The following USF1 variants were observed in gnomAD, a reference collection of about 807,000 sequenced individuals.
USF1 encodes the protein upstream transcription factor 1.
Under a neutral mutation model 46.3 loss-of-function variants are expected in USF1, and 22 were observed. The observed-to-expected ratio is 0.47, with a 90% confidence interval of 0.34 to 0.68. The LOEUF (loss-of-function observed/expected upper bound fraction) is 0.68, where lower values mean the gene tolerates loss of function less well. USF1 is among the 30% of genes least tolerant of loss of function. USF1 has a pLI of 0.01. For missense variants in USF1, 287 were observed against 399.3 expected, an observed-to-expected ratio of 0.72 and a Z score of 2.40; for synonymous variants, 150 against 147.0, an observed-to-expected ratio of 1.02 and a Z score of -0.15.
At chr1:161,043,921 G>A (rs6427573) in intron 1 of USF1, among the ~76,000 whole-genome samples, 41,067 of 146,158 alleles carry the variant, frequency 0.28, 8,133 homozygotes, top group African/African-American at 0.55. Context: ...CACTGCACCT[G>A]GCCGAAACAA....
At chr1:161,045,070 A>C (rs572193438) in intron 1 of USF1, 1 of 152,336 alleles carries the variant, frequency 6.6e-6, no homozygotes, top group East Asian at 1.9e-4. Flanking sequence ...TTTTGGGACC[A>C]CCTACATTTC....
At chr1:161,042,812 G>C in intron 3 of USF1, 21 bp downstream of exon 3, 1 of 1,614,142 alleles carries the variant, frequency 6.2e-7, no homozygotes, top group Non-Finnish European at 8.5e-7. Flanking sequence ...TCTTAGTCTT[G>C]GTTCTGTTTC....
chr1:161,039,444 T>C lies in USF1; in HGVS notation c.*476A>G, dbSNP rs760234751. On this transcript the variant is annotated 3_prime_UTR_variant, in exon 11 of 11. Coordinates refer to ENST00000368021, the MANE Select transcript of USF1 (RefSeq NM_007122.5). ...CCTCTTCATGGGCACCAGCCACTGC[T>C]AAACATCCTTCCCTCACTTCTTGTG... The C allele has an allele frequency of 4.8e-4, 80 of 167,278 alleles. No individual in the cohort carries two copies. Among genetic ancestry groups the C allele is most frequent in the Non-Finnish European group, 9.4e-4 (73 of 77,712 alleles). 10.4% of individuals were successfully genotyped at this position (167,278 alleles called of 1,614,324 possible).
chr1:161,040,081 G>A lies in USF1; in HGVS notation c.844-72C>T, dbSNP rs758108427. On this transcript the variant is annotated intron_variant, in intron 10 of 10. Transcript: ENST00000368021. This position sits in a 1 kb window ranked among gnomAD's most constrained non-coding sequence, Gnocchi z 4.0. The stretch of plus-strand genomic sequence containing the variant: ...ACTTCCAAGCCCCTGAATGTATTCA[G>A]ACATCCACTGGTGAGGGGGAAAAGA... The A allele has an allele frequency of 1.2e-5, 20 of 1,611,442 alleles. No individual in the cohort carries two copies.
At chr1:161,041,072 GC>G (rs1650535169) in intron 7 of USF1, among the ~76,000 whole-genome samples, 200 bp from the exon 8 acceptor site, 1 of 151,890 alleles carries the variant, frequency 6.6e-6, no homozygotes, top group South Asian at 2.1e-4. Context: ...GACCAGCCTG[GC>G]CAACATGGTG....
intron 1 of USF1, among the ~76,000 whole-genome samples, chr1:161,045,617 C>G (rs17175442): frequency 6.6e-6 from 1 of 152,190 alleles, no homozygotes; most frequent in Non-Finnish European, 1.5e-5. Flanking sequence ...CGCCCGGTGC[C>G]GGCGGCTGCG....
In USF1 at chr1:161,040,081, G is replaced by T; in HGVS notation, c.844-72C>A. ...ACTTCCAAGCCCCTGAATGTATTCAGACATCCACTGGTGAGGGGGAAAAGA... is the reference window on the plus strand; with the variant it reads ...ACTTCCAAGCCCCTGAATGTATTCATACATCCACTGGTGAGGGGGAAAAGA... On this transcript the variant is annotated intron_variant, in intron 10 of 10. Coordinates refer to ENST00000368021, the MANE Select transcript of USF1 (RefSeq NM_007122.5). This position sits in a 1 kb window ranked among gnomAD's most constrained non-coding sequence, Gnocchi z 4.0. The T allele has an allele frequency of 6.2e-7, 1 of 1,611,560 alleles. No homozygotes were observed. The highest frequency in any genetic ancestry group is 8.5e-7 in the Non-Finnish European group (1 of 1,177,996).
chr1:161,043,620 C>CTT (rs34611572), intron 1 of USF1, among the ~76,000 whole-genome samples: 36 of 119,602 alleles, frequency 3.0e-4, no homozygotes, highest in African/African-American at 6.7e-4. Context: ...AGAAACAACA[C>CTT]TTTTTTTTTT....
chr1:161,040,242 A>C lies in USF1; in HGVS notation c.803T>G (p.Leu268Arg). The change falls in exon 10 of 11, where the codon CTT becomes CGT. Residue 268 changes from leucine (L) to arginine (R), a missense_variant. Transcript: ENST00000368021. This position sits in a 1 kb window ranked among gnomAD's most constrained non-coding sequence, Gnocchi z 4.0. ...GTCATTGTCCAGCTGCAGTTGGTCA[A>C]GTCCCTGCAGTTCTTCAGACAAGCG... Reference protein sequence around the residue: ...NHRLSEELQGLDQLQLDNDVL... With the variant: ...NHRLSEELQGRDQLQLDNDVL... 1 of 1,614,198 alleles carries C rather than the reference A, an allele frequency of 6.2e-7. No individual in the cohort carries two copies. Among genetic ancestry groups the C allele is most frequent in the Non-Finnish European group, 8.5e-7 (1 of 1,180,030 alleles).
At chr1:161,041,519 G>A in intron 6 of USF1, 108 bp from the exon 7 acceptor site, 1 of 1,473,362 alleles carries the variant, frequency 6.8e-7, no homozygotes, top group African/African-American at 1.4e-5. Context: ...TAATAGAAGA[G>A]CAGCCCCAGA....
chr1:161,045,469 C>T (rs1013096850), intron 1 of USF1, among the ~76,000 whole-genome samples: 2 of 152,252 alleles, frequency 1.3e-5, no homozygotes, highest in African/African-American at 2.4e-5. Context: ...AACCAGAAGG[C>T]GCTTACGGAG....
chr1:161,041,789 C>A lies in USF1; in HGVS notation c.334G>T (p.Ala112Ser). 1 of 1,614,082 alleles carries A rather than the reference C, an allele frequency of 6.2e-7. No individual in the cohort carries two copies. Among genetic ancestry groups the A allele is most frequent in the Non-Finnish European group, 8.5e-7 (1 of 1,179,990 alleles). The change falls in exon 6 of 11, where the codon GCT becomes TCT. Residue 112 changes from alanine (A) to serine (S), a missense_variant. By Grantham distance (99) the Ala-to-Ser change is moderately conservative. Coordinates refer to ENST00000368021, the MANE Select transcript of USF1 (RefSeq NM_007122.5). ...DDAVDTEGTA[A>S]ETHYTYFPST... ...GGGAAGTAAGTATAGTGCGTCTCAGCAGCTGTCCCCTCCGTGTCAACTGCA... is the reference window on the plus strand; with the variant it reads ...GGGAAGTAAGTATAGTGCGTCTCAGAAGCTGTCCCCTCCGTGTCAACTGCA...
chr1:161,040,857 G>C lies in USF1; in HGVS notation c.576C>G (p.Pro192=), dbSNP rs1313914021. Reference sequence around the variant, plus strand: ...TGCGTTTCTCATCCCGAGTCGTCCGGGGAGCTTCTGACTTCCTGACAACAG... The same window carrying C: ...TGCGTTTCTCATCCCGAGTCGTCCGCGGAGCTTCTGACTTCCTGACAACAG... ...THPYSPKSEA[P]RTTRDEKRRA... Residue 192 remains proline, a synonymous_variant, in exon 8 of 11, where the codon CCC becomes CCG. Coordinates refer to ENST00000368021, the MANE Select transcript of USF1 (RefSeq NM_007122.5). The surrounding 1 kb of genome is among the most constrained non-coding windows in gnomAD (Gnocchi z 4.0). The C allele has an allele frequency of 6.2e-6, 10 of 1,613,928 alleles. No homozygotes were observed. The highest frequency in any genetic ancestry group is 8.5e-6 in the Non-Finnish European group (10 of 1,180,000).
At chr1:161,045,355 A>G (rs564196803) in intron 1 of USF1, among the ~76,000 whole-genome samples, 4 of 152,274 alleles carry the variant, frequency 2.6e-5, no homozygotes, top group South Asian at 2.1e-4. Flanking sequence ...GCCCAGTAAG[A>G]GCCCTTGCTA....
At position 161,039,928 on chromosome 1, in the gene USF1, T is replaced by C. The variant is rs1269337201; in HGVS notation, c.925A>G (p.Ser309Gly). ...CCCCTGAATCCCCATAGTTAGTTGCTGTCATTCTTGATGACGACCTCTAAT... is the reference window on the plus strand; with the variant it reads ...CCCCTGAATCCCCATAGTTAGTTGCCGTCATTCTTGATGACGACCTCTAAT... The part of the protein sequence containing the change: ...HGLEVVIKND[S>G]N Residue 309 changes from serine to glycine, a missense_variant, in exon 11 of 11, where the codon AGC (serine) becomes GGC (glycine). Transcript: ENST00000368021. The C allele has an allele frequency of 1.2e-5, 20 of 1,614,086 alleles. No homozygotes were observed. Among genetic ancestry groups the C allele is most frequent in the Non-Finnish European group, 1.6e-5 (19 of 1,180,044 alleles).
intron 4 of USF1, 28 bp downstream of exon 4, chr1:161,042,527 C>T (rs985059911): frequency 1.7e-5 from 28 of 1,611,926 alleles, no homozygotes; most frequent in Non-Finnish European, 2.2e-5. Context: ...CCAGATAACA[C>T]CTGCAGCCAC....
Position 161,039,673 on chromosome 1 carries a change from C to T in USF1, c.*247G>A, listed in dbSNP as rs954238838. ...GCATGGAGACAGCACATGCATTGTG[C>T]GAGAGGAGCACAAGGGCCCAGGGGC... On this transcript the variant is annotated 3_prime_UTR_variant, in exon 11 of 11. Transcript: ENST00000368021. 2.2e-5 allele frequency: 12 copies of T among 534,878 alleles called. No individual in the cohort carries two copies. The highest frequency in any genetic ancestry group is 5.7e-5 in the African/African-American group (3 of 52,308). The allele number at this position is 534,878 out of a possible 1,614,324, so 33.1% of individuals were successfully genotyped here.
In USF1 at chr1:161,043,306, G is replaced by A; in HGVS notation, c.-31C>T. 1 of 1,614,140 alleles carries A rather than the reference G, an allele frequency of 6.2e-7. No individual in the cohort carries two copies. Among genetic ancestry groups the A allele is most frequent in the Non-Finnish European group, 8.5e-7 (1 of 1,180,018 alleles). ...TGTGAGGGGGCACATCCGAGGAACT[G>A]GTCCTTTTTTGGAGGTCTTTGTATC... On this transcript the variant is annotated 5_prime_UTR_variant, in exon 2 of 11. An upstream open reading frame in the 5' UTR gains an earlier in-frame stop. Coordinates refer to ENST00000368021, the MANE Select transcript of USF1 (RefSeq NM_007122.5).
Position 161,042,858 on chromosome 1 carries a change from T to C in USF1, c.33A>G (p.Glu11=). 1 of 1,614,188 alleles carries C rather than the reference T, an allele frequency of 6.2e-7. No individual in the cohort carries two copies. Residue 11 remains glutamate (E), a synonymous_variant, in exon 3 of 11, where the codon GAA becomes GAG. Coordinates refer to ENST00000368021, the MANE Select transcript of USF1 (RefSeq NM_007122.5). MKGQQKTAET[E]EGTVQIQEGA... is the part of the protein sequence containing the mutation. ...CTTCCTGAATCTGCACTGTCCCCTC[T>C]TCCGTTTCAGCTGTTTTCTGCTGCC...
Sources: gnomAD v4.1 joint callset for allele counts (sites outside exome capture counted in the v4.1 genomes callset) on GRCh38, gnomAD v4.1.1 for gene constraint, Gnocchi (gnomAD v3.1) non-coding constraint, MANE v1.5 for transcripts, NCBI Gene and HGNC (gene_info 2026-07-23, HGNC 2026-07-21) for gene names.